KDM4B: variants seen among roughly 807,000 people sequenced by gnomAD.
KDM4B encodes lysine demethylase 4B.
Under a neutral mutation model 125.2 loss-of-function variants are expected in KDM4B, and 32 were observed. The observed-to-expected ratio is 0.26, with a 90% CI of 0.19 to 0.34. The LOEUF (loss-of-function observed/expected upper bound fraction) is 0.34, where lower values mean the gene tolerates loss of function less well. Ranked by LOEUF, KDM4B falls within the 10% of genes least tolerant of loss-of-function variation. KDM4B has a pLI of 1.00. For synonymous variants in KDM4B, 721 were observed against 677.9 expected (o/e 1.06, Z -0.99); for missense variants, 1,190 against 1,577.7 (o/e 0.75, Z 4.16).
intron 6 of KDM4B, among the ~76,000 whole-genome samples, chr19:5,060,879 G>A (rs1011513870): frequency 6.6e-6 from 1 of 152,226 alleles, no homozygotes; most frequent in Non-Finnish European, 1.5e-5. Context: ...ATGACTTTGC[G>A]TTTTTGGCCT....
chr19:5,004,693 C>T lies in KDM4B; in HGVS notation c.-108-11564C>T, dbSNP rs545347147. 3.3e-5 allele frequency among the ~76,000 whole-genome samples: 5 copies of T among 152,212 alleles called. No homozygotes were observed. The East Asian group carries it at 5.8e-4, about 18-fold the overall frequency. Reference sequence around the variant, plus strand: ...CCCTGGGAGTCCCCGTACCCCCGTGCGGTGAGCGTGAGAAGTCACCCACAG... The same window carrying T: ...CCCTGGGAGTCCCCGTACCCCCGTGTGGTGAGCGTGAGAAGTCACCCACAG... On this transcript the variant is annotated intron_variant, in intron 1 of 22. Coordinates refer to ENST00000159111, the MANE Select transcript of KDM4B (RefSeq NM_015015.3).
chr19:5,114,251 C>T lies in KDM4B; in HGVS notation c.1115+3433C>T, dbSNP rs552226420. 1.8e-3 allele frequency: 2,328 copies of T among 1,285,842 alleles called. 1 individual carries two copies. The highest frequency in any genetic ancestry group is 2.2e-3 in the Non-Finnish European group (2,172 of 985,322). The allele number at this position is 1,285,842 out of a possible 1,614,324, so 79.7% of individuals were successfully genotyped here. A position where few individuals can be genotyped will look rare whatever the true frequency, so the allele number is the denominator to read the frequency against. ...GCGCTCCCTGCAGGACATCTGTGCA[C>T]CCGCCTCACCACAGCCTCCCTGGCC... On this transcript the variant is annotated intron_variant, in intron 10 of 22. Coordinates refer to ENST00000159111, the MANE Select transcript of KDM4B (RefSeq NM_015015.3). The surrounding 1 kb of genome is among the most constrained non-coding windows in gnomAD (Gnocchi z 5.8).
At chr19:5,106,525 CTCT>C (rs2039038153) in intron 9 of KDM4B, among the ~76,000 whole-genome samples, 1 of 152,218 alleles carries the variant, frequency 6.6e-6, no homozygotes, top group Admixed American at 6.5e-5. Flanking sequence ...CACCCTCCTC[CTCT>C]GGGGGATTCC....
intron 2 of KDM4B, among the ~76,000 whole-genome samples, chr19:5,031,832 G>A (rs1486882630): frequency 6.6e-6 from 1 of 152,226 alleles, no homozygotes; most frequent in Non-Finnish European, 1.5e-5. Flanking sequence ...CTGCACCTTG[G>A]TGGCTGGGAA....
Position 5,043,314 on chromosome 19 carries a change from G to A in KDM4B, c.432+2063G>A, listed in dbSNP as rs140799052. 6.8e-3 allele frequency among the ~76,000 whole-genome samples: 1,010 copies of A among 149,458 alleles called. 7 individuals carry two copies. Among genetic ancestry groups the A allele is most frequent in the African/African-American group, 0.024 (967 of 40,368 alleles). ...CACCTTATCCCGTGCTGTGTTTATC[G>A]GAGTGGGGTGTCCACCTTATCCTGC... On this transcript the variant is annotated intron_variant, in intron 5 of 22. Coordinates refer to ENST00000159111, the MANE Select transcript of KDM4B (RefSeq NM_015015.3).
In KDM4B at chr19:5,047,596, A is replaced by G; in HGVS notation, c.553A>G (p.Thr185Ala). The change falls in exon 6 of 23, where the codon ACC becomes GCC. Residue 185 changes from threonine (T) to alanine (A), a missense_variant. Physicochemically the swap from Thr to Ala is moderately conservative, Grantham distance 58. Transcript: ENST00000159111. The stretch of plus-strand genomic sequence containing the variant: ...CCTGTACTTCGGCATGTGGAAGACC[A>G]CCTTCGCCTGGCACACCGAGGACAT... ...PYLYFGMWKT[T>A]FAWHTEDMDL... The G allele has an allele frequency of 6.2e-7, 1 of 1,613,970 alleles. No individual in the cohort carries two copies. Among genetic ancestry groups the G allele is most frequent in the Non-Finnish European group, 8.5e-7 (1 of 1,179,924 alleles).
chr19:5,058,139 G>T (rs1308151200), intron 6 of KDM4B, among the ~76,000 whole-genome samples: 1 of 152,236 alleles, frequency 6.6e-6, no homozygotes, highest in Non-Finnish European at 1.5e-5. Context: ...GAAGGGGCAG[G>T]TGAGACTTCT....
rs1306961340 is a variant in KDM4B at position 5,142,637 on chromosome 19, G to A, written c.2551-1330G>A. Among the ~76,000 whole-genome samples, 1 of 152,056 alleles carries A rather than the reference G, an allele frequency of 6.6e-6. No individual in the cohort carries two copies. The highest frequency in any genetic ancestry group is 1.9e-4 in the East Asian group (1 of 5,158). ...AGCAACCCCACCTGACAGTGTCCAGGTGGGGCCTCTCCCCCACCCCCAGGC... is the reference window on the plus strand; with the variant it reads ...AGCAACCCCACCTGACAGTGTCCAGATGGGGCCTCTCCCCCACCCCCAGGC... On this transcript the variant is annotated intron_variant, in intron 18 of 22. Coordinates refer to ENST00000159111, the MANE Select transcript of KDM4B (RefSeq NM_015015.3). The surrounding 1 kb of genome is among the most constrained non-coding windows in gnomAD (Gnocchi z 5.4).
chr19:5,103,950 G>T (rs1599192327), intron 9 of KDM4B, among the ~76,000 whole-genome samples: 2 of 152,270 alleles, frequency 1.3e-5, no homozygotes, highest in East Asian at 3.8e-4. Flanking sequence ...CACCTTCTGA[G>T]TAGCTTCCGA....
chr19:5,002,279 T>A (rs1219516316), intron 1 of KDM4B, among the ~76,000 whole-genome samples: 1 of 152,216 alleles, frequency 6.6e-6, no homozygotes, highest in Non-Finnish European at 1.5e-5. Flanking sequence ...ATTATAGGCT[T>A]GAGTCACCTC....
intron 1 of KDM4B, among the ~76,000 whole-genome samples, chr19:5,010,219 G>A (rs2035685199): frequency 6.6e-6 from 1 of 152,220 alleles, no homozygotes; most frequent in South Asian, 2.1e-4. Context: ...ATGTTTTGTA[G>A]AAGGAACTTC....
intron 9 of KDM4B, among the ~76,000 whole-genome samples, chr19:5,102,661 G>T (rs578111632): frequency 6.6e-6 from 1 of 152,146 alleles, no homozygotes; most frequent in Non-Finnish European, 1.5e-5. Context: ...TCGAGGCCCC[G>T]GCTCCCCTCA....
At chr19:5,067,143 C>G (rs1239440842) in intron 6 of KDM4B, among the ~76,000 whole-genome samples, 1 of 152,134 alleles carries the variant, frequency 6.6e-6, no homozygotes, top group Admixed American at 6.5e-5. Context: ...CTGTCTTCAG[C>G]CCCCGCCCAG....
At chr19:5,093,530 C>T (rs895196407) in intron 9 of KDM4B, among the ~76,000 whole-genome samples, 9 of 152,222 alleles carry the variant, frequency 5.9e-5, no homozygotes, top group South Asian at 2.1e-4. Context: ...GGTTTGTTAT[C>T]GGCCTCACTG....
chr19:5,112,022 GA>G, intron 10 of KDM4B: 1 of 566,562 alleles, frequency 1.8e-6, no homozygotes, highest in East Asian at 2.9e-5. Flanking sequence ...GGAGGCCAAG[GA>G]AGGAGGATTG....
At chr19:5,031,605 G>A (rs544034837) in intron 2 of KDM4B, among the ~76,000 whole-genome samples, 32 of 150,038 alleles carry the variant, frequency 2.1e-4, no homozygotes, top group Admixed American at 7.3e-4. Context: ...GGGGCTCAGC[G>A]CTGGGTATCA....
Position 5,115,518 on chromosome 19 carries a change from C to T in KDM4B, c.1116-4135C>T, listed in dbSNP as rs899185237. On this transcript the variant is annotated intron_variant, in intron 10 of 22. Coordinates refer to ENST00000159111, the MANE Select transcript of KDM4B (RefSeq NM_015015.3). The surrounding 1 kb of genome is among the most constrained non-coding windows in gnomAD (Gnocchi z 4.2). ...AGTCACAGGCTCCTGCCCTCAGCAG[C>T]CCCTGCCACTGCCTTCACCAGGCCC... 1.2e-4 allele frequency among the ~76,000 whole-genome samples: 19 copies of T among 152,346 alleles called. No homozygotes were observed. Among genetic ancestry groups the T allele is most frequent in the South Asian group, 2.1e-4 (1 of 4,830 alleles).
At chr19:5,143,657 C>G (rs997201932) in intron 18 of KDM4B, among the ~76,000 whole-genome samples, 1 of 152,124 alleles carries the variant, frequency 6.6e-6, no homozygotes, top group Admixed American at 6.5e-5. Context: ...TCCCAGCAGT[C>G]AGTGACACGC....
intron 9 of KDM4B, among the ~76,000 whole-genome samples, chr19:5,102,709 G>A (rs139930750): frequency 1.3e-5 from 2 of 151,116 alleles, no homozygotes; most frequent in Non-Finnish European, 3.0e-5. Flanking sequence ...CGGGCGACGG[G>A]TGACGGGTGA....
Sources: allele counts gnomAD v4.1 joint callset (sites outside exome capture counted in the v4.1 genomes callset), GRCh38; gene constraint gnomAD v4.1.1; non-coding constraint Gnocchi (gnomAD v3.1); transcripts MANE v1.5; gene names NCBI Gene and HGNC (gene_info 2026-07-23, HGNC 2026-07-21).